Variants in DGKB observed in about 807,000 individuals in gnomAD.
DGKB encodes diacylglycerol kinase beta, also known as 90 kDa diacylglycerol kinase.
In DGKB, 67 loss-of-function variants were observed where a neutral mutation model predicts 114.3. The observed-to-expected ratio is 0.59, with a 90% confidence interval of 0.48 to 0.72. The LOEUF (loss-of-function observed/expected upper bound fraction) is 0.72, where lower values mean the gene tolerates loss of function less well. Ranked by LOEUF, DGKB falls within the 30% of genes least tolerant of loss-of-function variation. DGKB has a pLI of 0.00. For synonymous variants in DGKB, 398 were observed against 323.1 expected (o/e 1.23, Z -2.49); for missense variants, 907 against 975.2 (o/e 0.93, Z 0.93).
At chr7:14,698,197 T>C (rs958329477) in intron 7 of DGKB, 28 bp from the exon 8 acceptor site, 6 of 1,345,644 alleles carry the variant, frequency 4.5e-6, no homozygotes, top group Middle Eastern at 1.8e-4. Flanking sequence ...ATAAAAAATA[T>C]GAATACAAGA....
At chr7:14,371,502 G>A (rs1423435182) in intron 21 of DGKB, among the ~76,000 whole-genome samples, 1 of 151,896 alleles carries the variant, frequency 6.6e-6, no homozygotes, top group Non-Finnish European at 1.5e-5. Flanking sequence ...TCTTTTGCTT[G>A]TTAAATAGTT....
intron 19 of DGKB, among the ~76,000 whole-genome samples, chr7:14,576,888 G>T (rs1156874769): frequency 2.0e-5 from 3 of 152,084 alleles, no homozygotes; most frequent in African/African-American, 7.2e-5. Context: ...GTAGAAAGAG[G>T]CAATAAATAA....
At chr7:14,643,358 A>T (rs192711017) in intron 13 of DGKB, among the ~76,000 whole-genome samples, 28 of 30,104 alleles carry the variant, frequency 9.3e-4, no homozygotes, top group Admixed American at 2.6e-3. Context: ...GTATTGTTCC[A>T]GAGAGGAAAA....
At chr7:14,272,624 C>A (rs768027573) in intron 23 of DGKB, among the ~76,000 whole-genome samples, 1 of 152,152 alleles carries the variant, frequency 6.6e-6, no homozygotes, top group Non-Finnish European at 1.5e-5. Flanking sequence ...TATGGTCACT[C>A]TACTTTTTTT....
In DGKB at chr7:14,696,583, A is replaced by C. The variant is rs1585738915; in HGVS notation, c.591+1512T>G. On this transcript the variant is annotated intron_variant, in intron 8 of 25. Coordinates refer to ENST00000402815, the MANE Select transcript of DGKB (RefSeq NM_001350709.2). ...CCCCTCCCACTCTCCATCTAATAAC[A>C]AGCTGGCTTGATTGACAGATGACTA... is the stretch of plus-strand genomic sequence containing the variant. 2.0e-5 allele frequency among the ~76,000 whole-genome samples: 3 copies of C among 151,308 alleles called. No homozygotes were observed. In the South Asian group the frequency reaches 6.3e-4, roughly 32 times the overall value.
chr7:14,368,224 A>G (rs1817025370), intron 21 of DGKB, among the ~76,000 whole-genome samples: 1 of 151,862 alleles, frequency 6.6e-6, no homozygotes, highest in Non-Finnish European at 1.5e-5. Flanking sequence ...CTGACACATA[A>G]TTATCACCCC....
chr7:14,657,568 G>C (rs1816110578), intron 13 of DGKB, among the ~76,000 whole-genome samples: 1 of 151,838 alleles, frequency 6.6e-6, no homozygotes. Flanking sequence ...CAAGGAAATA[G>C]ATGACTTCAG....
At position 14,771,970 on chromosome 7, in the gene DGKB, C is replaced by A. The variant is rs541004418; in HGVS notation, c.71-14239G>T. On this transcript the variant is annotated intron_variant, in intron 2 of 25. Coordinates refer to ENST00000402815, the MANE Select transcript of DGKB (RefSeq NM_001350709.2). The stretch of plus-strand genomic sequence containing the variant: ...ATTCTTTATCTTAACCTGAACACTC[C>A]TTTCCATTGATCCCAGGTCTCCAGA... Among the ~76,000 whole-genome samples, 43 of 151,940 alleles carry A rather than the reference C, an allele frequency of 2.8e-4. 1 individual carries two copies. Among genetic ancestry groups the A allele is most frequent in the African/African-American group, 1.0e-3 (42 of 41,480 alleles).
chr7:14,591,749 T>C (rs1028510122), intron 17 of DGKB, among the ~76,000 whole-genome samples: 5 of 152,064 alleles, frequency 3.3e-5, no homozygotes, highest in Non-Finnish European at 7.4e-5. Context: ...GTGGTGAAAT[T>C]GTGATGCTTA....
At chr7:14,467,532 G>C (rs1487395257) in intron 21 of DGKB, among the ~76,000 whole-genome samples, 1 of 151,918 alleles carries the variant, frequency 6.6e-6, no homozygotes, top group Non-Finnish European at 1.5e-5. Flanking sequence ...TAATTATTAT[G>C]CTGACTGAAG....
intron 24 of DGKB, 109 bp from the exon 25 acceptor site, chr7:14,177,008 G>A: frequency 1.6e-6 from 2 of 1,267,310 alleles, no homozygotes; most frequent in Non-Finnish European, 2.2e-6. Flanking sequence ...GTAATAGTTG[G>A]GCTCTAAATT....
chr7:14,570,944 C>A (rs1305769653), intron 20 of DGKB, among the ~76,000 whole-genome samples: 1 of 152,132 alleles, frequency 6.6e-6, no homozygotes, highest in East Asian at 1.9e-4. Context: ...ACATTTTGAG[C>A]TGTATAGCTG....
intron 21 of DGKB, among the ~76,000 whole-genome samples, chr7:14,367,497 T>C (rs535834683): frequency 6.6e-6 from 1 of 152,030 alleles, no homozygotes; most frequent in Non-Finnish European, 1.5e-5. Context: ...TCGTGAGGCC[T>C]CCCCAGCCAC....
chr7:14,460,414 C>A (rs1563230340), intron 21 of DGKB, among the ~76,000 whole-genome samples: 1 of 149,008 alleles, frequency 6.7e-6, no homozygotes, highest in Non-Finnish European at 1.5e-5. Context: ...ATTTACCAAG[C>A]AAATGGAAAG....
intron 23 of DGKB, among the ~76,000 whole-genome samples, chr7:14,184,757 A>G (rs13227890): frequency 0.038 from 5,710 of 152,242 alleles, 129 homozygotes; most frequent in African/African-American, 0.055. Context: ...GCCCACTGCC[A>G]GTTCCTCTCT....
chr7:14,878,782 C>A (rs895673252), intron 1 of DGKB, among the ~76,000 whole-genome samples: 131 of 144,132 alleles, frequency 9.1e-4, no homozygotes, highest in African/African-American at 2.7e-3. Flanking sequence ...AAAAAAAAAA[C>A]CAAAGACTTA....
intron 25 of DGKB, among the ~76,000 whole-genome samples, chr7:14,166,532 C>T (rs1784630758): frequency 1.3e-5 from 2 of 152,074 alleles, no homozygotes; most frequent in African/African-American, 4.8e-5. Context: ...TAGTCATAAA[C>T]AAGAAAATCT....
chr7:14,596,390 A>G (rs1428297866), intron 17 of DGKB, among the ~76,000 whole-genome samples: 1 of 152,086 alleles, frequency 6.6e-6, no homozygotes, highest in East Asian at 1.9e-4. Context: ...CTATACACAT[A>G]TTCTGTTACC....
chr7:14,467,491 A>C (rs1356484868), intron 21 of DGKB, among the ~76,000 whole-genome samples: 1 of 151,886 alleles, frequency 6.6e-6, no homozygotes, highest in Non-Finnish European at 1.5e-5. Flanking sequence ...CTTATATAAA[A>C]CATAACACAC....
Sources: gnomAD v4.1 joint callset for allele counts (sites outside exome capture counted in the v4.1 genomes callset) on GRCh38, gnomAD v4.1.1 for gene constraint, MANE v1.5 for transcripts, NCBI Gene and HGNC (gene_info 2026-07-23, HGNC 2026-07-21) for gene names.